HTR3B: variants seen among roughly 807,000 people sequenced by gnomAD.
The protein encoded by HTR3B is 5-hydroxytryptamine receptor 3B.
A neutral mutation model predicts 42.8 loss-of-function variants in HTR3B; 44 were observed. The ratio of observed to expected loss-of-function variants is 1.03; its 90% CI spans 0.81 to 1.32. The LOEUF is 1.32. Ranked by LOEUF, HTR3B falls within the 40% of genes most tolerant of loss-of-function variation. The probability of loss-of-function intolerance (pLI) is 0.00; values close to 1 mark genes in which losing one functional copy is unlikely to be tolerated. For missense variants in HTR3B, 527 were observed against 536.5 expected (o/e 0.98, Z 0.17); for synonymous variants, 203 against 209.0 (o/e 0.97, Z 0.25).
chr11:113,938,778 T>C (rs1053179662), intron 6 of HTR3B, among the ~76,000 whole-genome samples: 4 of 152,046 alleles, frequency 2.6e-5, no homozygotes, highest in African/African-American at 4.8e-5. Context: ...CTGAGGCAGG[T>C]GGATCACCTG....
chr11:113,943,235 C>T (rs1161560038), intron 7 of HTR3B, 43 bp downstream of exon 7: 1 of 1,478,328 alleles, frequency 6.8e-7, no homozygotes, highest in Non-Finnish European at 9.4e-7. Flanking sequence ...TTACATGACC[C>T]CTGTGAAAGA....
Position 113,946,975 on chromosome 11 carries a change from A to T in HTR3B, c.*838A>T, listed in dbSNP as rs1950185682. Among the ~76,000 whole-genome samples, 1 of 152,220 alleles carries T rather than the reference A, an allele frequency of 6.6e-6. No individual in the cohort carries two copies. Among genetic ancestry groups the T allele is most frequent in the Non-Finnish European group, 1.5e-5 (1 of 68,036 alleles). On this transcript the variant is annotated 3_prime_UTR_variant, in exon 9 of 9. Transcript: ENST00000260191. ...CAACCTGGTACCAACCAACCAGAGCATAAAATTCCTGCCATATCCCTCACC... is the reference window on the plus strand; with the variant it reads ...CAACCTGGTACCAACCAACCAGAGCTTAAAATTCCTGCCATATCCCTCACC...
intron 2 of HTR3B, among the ~76,000 whole-genome samples, chr11:113,930,162 G>A (rs548620861): frequency 6.6e-6 from 1 of 152,148 alleles, no homozygotes; most frequent in African/African-American, 2.4e-5. Flanking sequence ...TCTGTGGGTT[G>A]TCTTTTTCAT....
At chr11:113,911,483 G>C (rs568399578) in intron 2 of HTR3B, among the ~76,000 whole-genome samples, 5 of 152,082 alleles carry the variant, frequency 3.3e-5, no homozygotes, top group Middle Eastern at 6.8e-3. Context: ...GCCCACCTCA[G>C]CCTCCCAAAG....
chr11:113,899,241 T>C, the HTR3B span, among the ~76,000 whole-genome samples: 1 of 152,204 alleles, frequency 6.6e-6, no homozygotes, highest in Non-Finnish European at 1.5e-5. Context: ...TGCATTATTA[T>C]TAAAAATGAA....
chr11:113,921,474 C>T (rs958263343), intron 2 of HTR3B, among the ~76,000 whole-genome samples: 5 of 149,540 alleles, frequency 3.3e-5, no homozygotes, highest in African/African-American at 1.2e-4. Context: ...AAGAAAATTG[C>T]TGGCCGGGCG....
At chr11:113,900,149 T>A (rs1949687683), upstream of HTR3B, among the ~76,000 whole-genome samples, 1 of 151,946 alleles carries the variant, frequency 6.6e-6, no homozygotes, top group African/African-American at 2.4e-5. Context: ...TCCCAGCTAC[T>A]CGGGAGGCTG....
At chr11:113,930,821 T>A (rs1458227242) in intron 2 of HTR3B, among the ~76,000 whole-genome samples, 1 of 151,644 alleles carries the variant, frequency 6.6e-6, no homozygotes, top group East Asian at 1.9e-4. Flanking sequence ...TTTTGGGGGG[T>A]CTTTTAAAAA....
intron 2 of HTR3B, among the ~76,000 whole-genome samples, chr11:113,924,486 A>G (rs1949948415): frequency 6.6e-6 from 1 of 152,066 alleles, no homozygotes; most frequent in Admixed American, 6.5e-5. Flanking sequence ...TTAGCTAGGC[A>G]CGGTGTTGCA....
At chr11:113,909,592 G>A in intron 2 of HTR3B, 137 bp downstream of exon 2, 1 of 701,594 alleles carries the variant, frequency 1.4e-6, no homozygotes, top group South Asian at 2.0e-5. Context: ...ATTCATTTTA[G>A]CAGTTAGGTA....
In HTR3B at chr11:113,931,379, T is replaced by C. The variant is rs1950033615; in HGVS notation, c.214-5T>C. 1.2e-6 allele frequency: 2 copies of C among 1,600,710 alleles called. No individual in the cohort carries two copies. The highest frequency in any genetic ancestry group is 1.7e-6 in the Non-Finnish European group (2 of 1,172,640). On this transcript the variant is annotated splice_region_variant and splice_polypyrimidine_tract_variant and intron_variant, in intron 2 of 8. Transcript: ENST00000260191. ...TTTGGAGTGGATTTTCTTTTTGCCTTGCAGGATGCAGAGAATCAAATATTA... is the reference window on the plus strand; with the variant it reads ...TTTGGAGTGGATTTTCTTTTTGCCTCGCAGGATGCAGAGAATCAAATATTA...
At chr11:113,911,123 G>A (rs1477476551) in intron 2 of HTR3B, among the ~76,000 whole-genome samples, 2 of 152,064 alleles carry the variant, frequency 1.3e-5, no homozygotes, top group Non-Finnish European at 2.9e-5. Context: ...ACTGCACCCG[G>A]CCAAAAATTG....
chr11:113,917,449 T>C (rs1013479060), intron 2 of HTR3B, among the ~76,000 whole-genome samples: 3 of 152,162 alleles, frequency 2.0e-5, no homozygotes, highest in Non-Finnish European at 4.4e-5. Context: ...TTCTATTTTT[T>C]TTCTTCCAGT....
intron 2 of HTR3B, among the ~76,000 whole-genome samples, chr11:113,925,417 G>GT (rs201996305): frequency 0.048 from 4,869 of 100,688 alleles, 140 homozygotes; most frequent in Non-Finnish European, 0.065. Flanking sequence ...TTACGAATTT[G>GT]TTTTTTTTTT....
At chr11:113,902,188 T>C (rs747064651), upstream of HTR3B, among the ~76,000 whole-genome samples, 1 of 152,242 alleles carries the variant, frequency 6.6e-6, no homozygotes, top group East Asian at 1.9e-4. Flanking sequence ...TATTTTCAAA[T>C]GTATAGCAGA....
chr11:113,935,002 G>A (rs1332812118), intron 6 of HTR3B, among the ~76,000 whole-genome samples: 1 of 151,930 alleles, frequency 6.6e-6, no homozygotes, highest in African/African-American at 2.4e-5. Context: ...GATGGGGCAG[G>A]TAAACAAGGG....
chr11:113,899,280 G>A, the HTR3B span, among the ~76,000 whole-genome samples: 2 of 152,202 alleles, frequency 1.3e-5, no homozygotes, highest in African/African-American at 4.8e-5. Flanking sequence ...ATCGAATGCT[G>A]AGTGTGTCTT....
At chr11:113,921,138 T>A (rs1243623659) in intron 2 of HTR3B, among the ~76,000 whole-genome samples, 1 of 148,076 alleles carries the variant, frequency 6.8e-6, no homozygotes, top group Non-Finnish European at 1.5e-5. Context: ...TGACTTCCTA[T>A]TTATTTTTAT....
chr11:113,934,321 G>A (rs754094157), intron 6 of HTR3B, among the ~76,000 whole-genome samples: 4 of 151,530 alleles, frequency 2.6e-5, no homozygotes, highest in South Asian at 2.1e-4. Context: ...ATACCACTGC[G>A]CTCCAGCCTG....
Sources: gnomAD v4.1 joint callset for allele counts (sites outside exome capture counted in the v4.1 genomes callset) on GRCh38, gnomAD v4.1.1 for gene constraint, MANE v1.5 for transcripts, NCBI Gene and HGNC (gene_info 2026-07-23, HGNC 2026-07-21) for gene names.